The following SCAPER variants were observed in gnomAD, a reference collection of about 807,000 sequenced individuals.
The protein encoded by SCAPER is S-phase cyclin A associated protein in the ER, also known as S phase cyclin A-associated protein in the endoplasmic reticulum.
SCAPER carries 98 observed loss-of-function variants against 182.2 expected under a neutral mutation model. The observed-to-expected ratio is 0.54, with a 90% CI of 0.46 to 0.64. The LOEUF (loss-of-function observed/expected upper bound fraction) is 0.64, where lower values mean the gene tolerates loss of function less well. Among genes scored for constraint, SCAPER ranks in the 30% least tolerant of loss-of-function variants. The pLI is 0.00. For missense variants in SCAPER, 1,432 were observed against 1,690.0 expected (o/e 0.85, Z 2.68); for synonymous variants, 605 against 564.6 (o/e 1.07, Z -1.01).
chr15:76,422,607 T>G (rs1272337659), intron 26 of SCAPER, among the ~76,000 whole-genome samples: 2 of 152,326 alleles, frequency 1.3e-5, no homozygotes, highest in East Asian at 3.9e-4. Flanking sequence ...TGAATACCCT[T>G]TATTTCCTTC....
chr15:76,642,880 G>C (rs1238007984), intron 21 of SCAPER, among the ~76,000 whole-genome samples: 1 of 152,148 alleles, frequency 6.6e-6, no homozygotes, highest in Non-Finnish European at 1.5e-5. Context: ...CTACCACTAG[G>C]GGGTAGTAGA....
At chr15:76,708,571 G>C (rs993879573) in intron 17 of SCAPER, among the ~76,000 whole-genome samples, 5 of 151,668 alleles carry the variant, frequency 3.3e-5, no homozygotes, top group Admixed American at 6.6e-5. Context: ...AAGAAAAGAA[G>C]GCAAAGCTAA....
chr15:76,689,021 T>G (rs1408424485), intron 20 of SCAPER, among the ~76,000 whole-genome samples: 6 of 151,932 alleles, frequency 3.9e-5, no homozygotes, highest in Admixed American at 3.9e-4. Flanking sequence ...GCTAATTTTT[T>G]GTATTTTTAG....
At chr15:76,873,086 CA>C (rs1212539502) in intron 2 of SCAPER, among the ~76,000 whole-genome samples, 207 of 57,600 alleles carry the variant, frequency 3.6e-3, no homozygotes, top group South Asian at 5.5e-3. Context: ...CTTGTCTCTA[CA>C]AAAAAAAAAA....
chr15:76,469,724 A>C (rs147103443), intron 25 of SCAPER, among the ~76,000 whole-genome samples: 99 of 152,224 alleles, frequency 6.5e-4, no homozygotes, highest in African/African-American at 2.2e-3. Context: ...GGGCAAGTCA[A>C]CCTCTCTGGG....
intron 14 of SCAPER, among the ~76,000 whole-genome samples, chr15:76,757,694 A>G (rs1329474823): frequency 6.6e-6 from 1 of 152,162 alleles, no homozygotes. Flanking sequence ...ATTGCTTACT[A>G]TAATGGTTAT....
chr15:76,754,582 C>T lies in SCAPER; in HGVS notation c.1726-634G>A, dbSNP rs553156414. ...AAACTTTAATTCCTTAAAACAATCT[C>T]AAACAGAAGAAGCAAAAGCTTGTTC... is the stretch of plus-strand genomic sequence containing the variant. On this transcript the variant is annotated intron_variant, in intron 14 of 31. Transcript: ENST00000563290. 2.9e-4 allele frequency among the ~76,000 whole-genome samples: 44 copies of T among 152,034 alleles called. 2 individuals are homozygous for T. In the South Asian group the frequency reaches 6.0e-3, roughly 21 times the overall value.
chr15:76,450,293 T>C (rs2048287836), intron 25 of SCAPER, among the ~76,000 whole-genome samples: 1 of 152,230 alleles, frequency 6.6e-6, no homozygotes, highest in Non-Finnish European at 1.5e-5. Flanking sequence ...CTTGATGTTA[T>C]ACATATCAAG....
At chr15:76,488,293 G>T (rs56944949) in intron 24 of SCAPER, among the ~76,000 whole-genome samples, 2,013 of 152,104 alleles carry the variant, frequency 0.013, 43 homozygotes, top group African/African-American at 0.046. Context: ...AGGGCACAGA[G>T]GATGATAAAA....
At chr15:76,634,063 G>A (rs1031708742) in intron 21 of SCAPER, among the ~76,000 whole-genome samples, 20 of 152,364 alleles carry the variant, frequency 1.3e-4, no homozygotes, top group Middle Eastern at 3.4e-3. Context: ...GCCCACCTGA[G>A]CAGCTGCCAT....
chr15:76,869,120 T>G (rs989171601), intron 2 of SCAPER, among the ~76,000 whole-genome samples: 40 of 152,104 alleles, frequency 2.6e-4, no homozygotes, highest in African/African-American at 9.2e-4. Context: ...CAAATCAAAA[T>G]GGATTAAAAA....
At chr15:76,418,532 G>A (rs1199028780) in intron 26 of SCAPER, among the ~76,000 whole-genome samples, 2 of 152,182 alleles carry the variant, frequency 1.3e-5, no homozygotes, top group Non-Finnish European at 2.9e-5. Context: ...AGATCATCTC[G>A]GAACCAGACC....
Position 76,451,188 on chromosome 15 carries a change from A to G in SCAPER, c.3079-16878T>C, listed in dbSNP as rs115980229. Among the ~76,000 whole-genome samples, 367 of 152,332 alleles carry G rather than the reference A, an allele frequency of 2.4e-3. 2 individuals are homozygous for G. Among genetic ancestry groups the G allele is most frequent in the African/African-American group, 8.4e-3 (349 of 41,564 alleles). On this transcript the variant is annotated intron_variant, in intron 25 of 31. Transcript: ENST00000563290. ...TCCATGAATTCTGAATAATTCATCC[A>G]TGTTGTATCAATAGTTCATTCCTTT...
At chr15:76,582,739 C>A (rs769132937) in intron 22 of SCAPER, among the ~76,000 whole-genome samples, 18 of 152,110 alleles carry the variant, frequency 1.2e-4, no homozygotes, top group Non-Finnish European at 1.9e-4. Context: ...ATGGTACTTA[C>A]ATAAAGACAG....
chr15:76,822,436 T>C (rs1289438911), intron 5 of SCAPER, among the ~76,000 whole-genome samples: 1 of 152,210 alleles, frequency 6.6e-6, no homozygotes. Flanking sequence ...GCTAAATAAA[T>C]AAAGGCAACT....
chr15:76,806,361 A>T (rs2066161409), intron 5 of SCAPER, among the ~76,000 whole-genome samples: 1 of 152,196 alleles, frequency 6.6e-6, no homozygotes, highest in South Asian at 2.1e-4. Context: ...AGACGTATGA[A>T]TTTATTCCAA....
intron 5 of SCAPER, among the ~76,000 whole-genome samples, chr15:76,824,146 A>G (rs755209817): frequency 7.2e-5 from 11 of 152,250 alleles, no homozygotes; most frequent in Non-Finnish European, 7.3e-5. Context: ...TCACTGATGC[A>G]CATCTTTCTC....
intron 17 of SCAPER, among the ~76,000 whole-genome samples, chr15:76,713,082 A>T (rs1414155875): frequency 6.6e-6 from 1 of 152,070 alleles, no homozygotes; most frequent in Admixed American, 6.6e-5. Flanking sequence ...GGTTTGTCAT[A>T]GATAGCTCTT....
chr15:76,428,979 T>A (rs556993253), intron 26 of SCAPER, among the ~76,000 whole-genome samples: 1 of 149,956 alleles, frequency 6.7e-6, no homozygotes, highest in Non-Finnish European at 1.5e-5. Flanking sequence ...TGAATTCCCA[T>A]GTATTGAGGG....
Sources: gnomAD v4.1 joint callset for allele counts (sites outside exome capture counted in the v4.1 genomes callset) on GRCh38, gnomAD v4.1.1 for gene constraint, MANE v1.5 for transcripts, NCBI Gene and HGNC (gene_info 2026-07-23, HGNC 2026-07-21) for gene names.